B3GNT2: variants seen among roughly 807,000 people sequenced by gnomAD.
B3GNT2 encodes N-acetyllactosaminide beta-1,3-N-acetylglucosaminyltransferase 2.
A neutral mutation model predicts 27.6 loss-of-function variants in B3GNT2; 12 were observed. The ratio of observed to expected loss-of-function variants is 0.44; its 90% CI spans 0.28 to 0.71. The LOEUF is 0.71. Ranked by LOEUF, B3GNT2 falls within the 30% of genes least tolerant of loss-of-function variation. B3GNT2 has a pLI of 0.17. For missense variants in B3GNT2, 413 were observed against 488.5 expected (o/e 0.85, Z 1.46); for synonymous variants, 192 against 189.7 (o/e 1.01, Z -0.10).
At position 62,199,219 on chromosome 2, in the gene B3GNT2, G is replaced by A. The variant is rs371895209; in HGVS notation, c.-10+2864G>A. Among the ~76,000 whole-genome samples the A allele has an allele frequency of 8.5e-5, 13 of 152,312 alleles. No homozygotes were observed. The South Asian group carries it at 1.9e-3, about 22-fold the overall frequency. The stretch of plus-strand genomic sequence containing the variant: ...CTCCCAAAGTGCTGGGATTACAGAC[G>A]TAAGCCACCGCGCCTGGCCTTAGCT... On this transcript the variant is annotated intron_variant, in intron 1 of 1. Transcript: ENST00000301998.
In B3GNT2 at chr2:62,222,385, C is replaced by G; in HGVS notation, c.165C>G (p.Pro55=). The G allele has an allele frequency of 6.2e-7, 1 of 1,614,078 alleles. No homozygotes were observed. The highest frequency in any genetic ancestry group is 8.5e-7 in the Non-Finnish European group (1 of 1,180,020). Residue 55 remains proline, a synonymous_variant, in exon 2 of 2, where the codon CCC becomes CCG. Coordinates refer to ENST00000301998, the MANE Select transcript of B3GNT2 (RefSeq NM_006577.6). This position sits in a 1 kb window ranked among gnomAD's most constrained non-coding sequence, Gnocchi z 4.2. The part of the protein sequence containing the change: ...KEKFWKISTP[P]EAYWNREQEK... ...AGTTCTGGAAGATATCTACCCCTCCCGAGGCATACTGGAACCGAGAGCAAG... is the reference window on the plus strand; with the variant it reads ...AGTTCTGGAAGATATCTACCCCTCCGGAGGCATACTGGAACCGAGAGCAAG...
rs534438237 is a variant in B3GNT2, at chr2:62,200,060, T to G, written c.-10+3705T>G. Among the ~76,000 whole-genome samples the G allele has an allele frequency of 3.9e-5, 6 of 152,362 alleles. No homozygotes were observed. The East Asian group carries it at 5.8e-4, about 15-fold the overall frequency. Reference sequence around the variant, plus strand: ...AGTTATTTGTACTGAGTTTTCTATTTGTTACAAATTTTAAGAGTTGAGATT... The same window carrying G: ...AGTTATTTGTACTGAGTTTTCTATTGGTTACAAATTTTAAGAGTTGAGATT... On this transcript the variant is annotated intron_variant, in intron 1 of 1. Coordinates refer to ENST00000301998, the MANE Select transcript of B3GNT2 (RefSeq NM_006577.6).
intron 1 of B3GNT2, among the ~76,000 whole-genome samples, chr2:62,218,176 C>A (rs1674611464): frequency 6.6e-6 from 1 of 152,172 alleles, no homozygotes; most frequent in South Asian, 2.1e-4. Context: ...ATTTAGAGAG[C>A]TTTTTCCCAC....
At chr2:62,219,904 G>C (rs956882291) in intron 1 of B3GNT2, among the ~76,000 whole-genome samples, 2 of 152,190 alleles carry the variant, frequency 1.3e-5, no homozygotes, top group Non-Finnish European at 2.9e-5. Context: ...TGCAGGGGTT[G>C]GGGGGAGTCA....
intron 1 of B3GNT2, among the ~76,000 whole-genome samples, chr2:62,210,768 CA>C (rs34197445): frequency 6.7e-6 from 1 of 149,958 alleles, no homozygotes; most frequent in Non-Finnish European, 1.5e-5. Context: ...GACTCCATCT[CA>C]AAAAAAATAA....
At chr2:62,214,095 G>C (rs1674528524) in intron 1 of B3GNT2, among the ~76,000 whole-genome samples, 1 of 152,204 alleles carries the variant, frequency 6.6e-6, no homozygotes, top group African/African-American at 2.4e-5. Context: ...ATCTCTAAGA[G>C]AAAGAAGTGA....
intron 1 of B3GNT2, among the ~76,000 whole-genome samples, chr2:62,199,141 G>C (rs905277790): frequency 1.3e-5 from 2 of 152,090 alleles, no homozygotes; most frequent in Non-Finnish European, 2.9e-5. Context: ...GGGTTTCACT[G>C]TGTTGGCCAG....
At chr2:62,197,435 G>C (rs923906045) in intron 1 of B3GNT2, among the ~76,000 whole-genome samples, 1 of 152,172 alleles carries the variant, frequency 6.6e-6, no homozygotes, top group Admixed American at 6.5e-5. Context: ...CTGGGTTGGC[G>C]AGGCGGCGCT....
chr2:62,216,535 G>C (rs1191372401), intron 1 of B3GNT2, among the ~76,000 whole-genome samples: 1 of 151,928 alleles, frequency 6.6e-6, no homozygotes, highest in Admixed American at 6.6e-5. Context: ...CCTCCTGAGT[G>C]GCTGGGACCA....
At chr2:62,203,783 G>A (rs1674315848) in intron 1 of B3GNT2, among the ~76,000 whole-genome samples, 1 of 152,150 alleles carries the variant, frequency 6.6e-6, no homozygotes, top group Admixed American at 6.5e-5. Flanking sequence ...GGGAGTTGGG[G>A]GTCAGGGACT....
intron 1 of B3GNT2, among the ~76,000 whole-genome samples, chr2:62,217,953 G>C (rs1558636286): frequency 6.6e-6 from 1 of 152,212 alleles, no homozygotes; most frequent in Non-Finnish European, 1.5e-5. Context: ...TTGGGGACAA[G>C]GTAAAAAGCT....
intron 1 of B3GNT2, among the ~76,000 whole-genome samples, chr2:62,216,969 C>T (rs940020460): frequency 2.0e-5 from 3 of 152,206 alleles, no homozygotes; most frequent in Admixed American, 6.5e-5. Context: ...CCATCACTTG[C>T]TGGCTGGGAA....
At chr2:62,212,643 T>C (rs1674501817) in intron 1 of B3GNT2, among the ~76,000 whole-genome samples, 1 of 151,546 alleles carries the variant, frequency 6.6e-6, no homozygotes, top group African/African-American at 2.4e-5. Flanking sequence ...CTGTGGGGGA[T>C]CTCTGGCCTA....
chr2:62,220,221 C>G (rs1023451757), intron 1 of B3GNT2, among the ~76,000 whole-genome samples: 2 of 152,236 alleles, frequency 1.3e-5, no homozygotes, highest in African/African-American at 4.8e-5. Context: ...CTAAATTTCT[C>G]CCGTGGTTAG....
chr2:62,207,689 G>A (rs1012470283), intron 1 of B3GNT2, among the ~76,000 whole-genome samples: 1 of 152,134 alleles, frequency 6.6e-6, no homozygotes, highest in Non-Finnish European at 1.5e-5. Flanking sequence ...AGTTCACAAA[G>A]GGTTCGCCCT....
intron 1 of B3GNT2, among the ~76,000 whole-genome samples, chr2:62,213,296 A>C (rs1477166643): frequency 6.6e-6 from 1 of 152,180 alleles, no homozygotes; most frequent in Non-Finnish European, 1.5e-5. Flanking sequence ...ACCCTGTCTC[A>C]AAAACAAAAA....
At position 62,222,559 on chromosome 2, in the gene B3GNT2, G is replaced by A. The variant is rs780399465; in HGVS notation, c.339G>A (p.Pro113=). Residue 113 remains proline, a synonymous_variant, in exon 2 of 2, where the codon CCG becomes CCA. Coordinates refer to ENST00000301998, the MANE Select transcript of B3GNT2 (RefSeq NM_006577.6). This position sits in a 1 kb window ranked among gnomAD's most constrained non-coding sequence, Gnocchi z 4.2. The stretch of plus-strand genomic sequence containing the variant: ...TGGTTACGGGTTTTAACAACTTGCC[G>A]GACAGATTTAAAGACTTTCTGCTGT... ...TSVVTGFNNL[P]DRFKDFLLYL... The A allele has an allele frequency of 1.1e-5, 18 of 1,614,034 alleles. No homozygotes were observed. The highest frequency in any genetic ancestry group is 2.2e-5 in the South Asian group (2 of 91,074).
Position 62,223,732 on chromosome 2 carries a change from C to T in B3GNT2, c.*318C>T, listed in dbSNP as rs1414777014. On this transcript the variant is annotated 3_prime_UTR_variant, in exon 2 of 2. Transcript: ENST00000301998. ...GCCATTTTAAGTGATTTTGTTTGCC[C>T]TCTTCTATAATATTCCTACTTCCCA... 1 of 241,952 alleles carries T rather than the reference C, an allele frequency of 4.1e-6. No individual in the cohort carries two copies. Among genetic ancestry groups the T allele is most frequent in the East Asian group, 9.9e-5 (1 of 10,122 alleles). 15.0% of individuals were successfully genotyped at this position (241,952 alleles called of 1,614,324 possible). A position where few individuals can be genotyped will look rare whatever the true frequency, so the allele number is the denominator to read the frequency against.
intron 1 of B3GNT2, among the ~76,000 whole-genome samples, chr2:62,199,960 C>T (rs751428981): frequency 6.6e-6 from 1 of 152,086 alleles, no homozygotes; most frequent in Non-Finnish European, 1.5e-5. Flanking sequence ...GAGACTTTGC[C>T]AGGCTGGAAC....
Sources: allele counts gnomAD v4.1 joint callset (sites outside exome capture counted in the v4.1 genomes callset), GRCh38; gene constraint gnomAD v4.1.1; non-coding constraint Gnocchi (gnomAD v3.1); transcripts MANE v1.5; gene names NCBI Gene and HGNC (gene_info 2026-07-23, HGNC 2026-07-21).